TET1: variants seen among roughly 807,000 people sequenced by gnomAD.
The protein encoded by TET1 is methylcytosine dioxygenase TET1.
A neutral mutation model predicts 148.7 loss-of-function variants in TET1; 13 were observed. The ratio of observed to expected loss-of-function variants is 0.09; its 90% CI spans 0.06 to 0.14. TET1 has a LOEUF of 0.14. Among genes scored for constraint, TET1 ranks in the 10% least tolerant of loss-of-function variants. The pLI is 1.00. For missense variants in TET1, 2,182 were observed against 2,553.8 expected (o/e 0.85, Z 3.14); for synonymous variants, 907 against 937.2 (o/e 0.97, Z 0.59).
intron 2 of TET1, among the ~76,000 whole-genome samples, chr10:68,596,373 A>G (rs1015152150): frequency 6.6e-6 from 1 of 152,168 alleles, no homozygotes; most frequent in Non-Finnish European, 1.5e-5. Context: ...ATCTTATGGT[A>G]CATGCTCAAG....
intron 3 of TET1, among the ~76,000 whole-genome samples, chr10:68,603,962 G>T (rs2054090897): frequency 6.6e-6 from 1 of 152,154 alleles, no homozygotes; most frequent in South Asian, 2.1e-4. Context: ...GTGGTGGGTG[G>T]GGGTAGCTCA....
chr10:68,623,564 C>T (rs1232957004), intron 3 of TET1, among the ~76,000 whole-genome samples: 2 of 152,174 alleles, frequency 1.3e-5, no homozygotes, highest in Non-Finnish European at 2.9e-5. Context: ...CCTTTGAGAT[C>T]CTCTCAACGG....
chr10:68,589,703 A>C (rs1589056365), intron 2 of TET1, among the ~76,000 whole-genome samples: 1 of 132,280 alleles, frequency 7.6e-6, no homozygotes. Flanking sequence ...CAAGAGTCTC[A>C]CTCTGTCACC....
rs58151009 is a variant in TET1, at chr10:68,566,823, CT to C, written c.-122-5382del. Among the ~76,000 whole-genome samples, 1,098 of 131,076 alleles carry C rather than the reference CT, an allele frequency of 8.4e-3. 27 individuals carry two copies. The highest frequency in any genetic ancestry group is 0.058 in the Admixed American group (732 of 12,624). The allele number at this position is 131,076 out of a possible 152,430, so 86.0% of individuals were successfully genotyped here. On this transcript the variant is annotated intron_variant, in intron 1 of 11. Transcript: ENST00000373644. The stretch of plus-strand genomic sequence containing the variant: ...ACTACCACTTATTTTCTCTCTCTCT[CT>C]TTTTTTTTTTTGTATTTTAGAGTTG...
At chr10:68,617,512 T>C (rs778886144) in intron 3 of TET1, among the ~76,000 whole-genome samples, 21 of 152,110 alleles carry the variant, frequency 1.4e-4, no homozygotes, top group Non-Finnish European at 2.9e-4. Flanking sequence ...CTTTGGTTTT[T>C]AGCATCCATT....
At position 68,625,988 on chromosome 10, in the gene TET1, G is replaced by C. The variant is rs115133904; in HGVS notation, c.1969-18710G>C. ...AGTCCCATCTACTCAGAAGGCTGAGGGGGGAGAATCACTTCAGCCCACAAG... is the reference window on the plus strand; with the variant it reads ...AGTCCCATCTACTCAGAAGGCTGAGCGGGGAGAATCACTTCAGCCCACAAG... On this transcript the variant is annotated intron_variant, in intron 3 of 11. Transcript: ENST00000373644. Among the ~76,000 whole-genome samples the C allele has an allele frequency of 4.9e-3, 744 of 151,802 alleles. 3 individuals carry two copies. The highest frequency in any genetic ancestry group is 0.017 in the African/African-American group (713 of 41,384).
At chr10:68,620,169 CG>C (rs1479507975) in intron 3 of TET1, among the ~76,000 whole-genome samples, 1 of 152,078 alleles carries the variant, frequency 6.6e-6, no homozygotes, top group Non-Finnish European at 1.5e-5. Context: ...AGCGACAGAG[CG>C]AGACTTTGTC....
At chr10:68,674,412 G>A (rs948595191) in intron 8 of TET1, 13 of 305,848 alleles carry the variant, frequency 4.3e-5, no homozygotes, top group East Asian at 1.6e-4. Flanking sequence ...TTTGTATTAC[G>A]TGAAAGCATC....
rs767752800 is a variant in TET1 at position 68,686,677 on chromosome 10, A to G, written c.5374A>G (p.Asn1792Asp). The G allele has an allele frequency of 1.2e-6, 2 of 1,613,992 alleles. No homozygotes were observed. Among genetic ancestry groups the G allele is most frequent in the Non-Finnish European group, 8.5e-7 (1 of 1,179,956 alleles). Residue 1792 changes from asparagine to aspartate, a missense_variant, in exon 11 of 12, where the codon AAC becomes GAC. Physicochemically the swap from Asn to Asp is conservative, Grantham distance 23. Transcript: ENST00000373644. The stretch of plus-strand genomic sequence containing the variant: ...GAAGAATAACTCAACAACAACAAAC[A>G]ACAGTAAGCCTTCGTCACTGCCAAC... ...KRKNNSTTTN[N>D]SKPSSLPTLG...
chr10:68,659,057 A>G (rs2055066750), intron 6 of TET1, among the ~76,000 whole-genome samples: 1 of 152,116 alleles, frequency 6.6e-6, no homozygotes, highest in African/African-American at 2.4e-5. Context: ...GTGAAATCCC[A>G]TCTTTGCTAA....
At chr10:68,688,728 G>A (rs1036237600) in intron 11 of TET1, among the ~76,000 whole-genome samples, 5 of 152,116 alleles carry the variant, frequency 3.3e-5, no homozygotes, top group Non-Finnish European at 5.9e-5. Flanking sequence ...GTGAGCCACC[G>A]TGCCCGGCCT....
At chr10:68,578,102 A>G (rs2053753172) in intron 2 of TET1, among the ~76,000 whole-genome samples, 2 of 152,258 alleles carry the variant, frequency 1.3e-5, no homozygotes, top group Non-Finnish European at 2.9e-5. Context: ...TGTTGTAAAA[A>G]ATCTTACTGA....
At chr10:68,604,282 T>A (rs2054095072) in intron 3 of TET1, among the ~76,000 whole-genome samples, 1 of 152,208 alleles carries the variant, frequency 6.6e-6, no homozygotes, top group Non-Finnish European at 1.5e-5. Context: ...TTTGTTAGAT[T>A]GTTAGTCATT....
chr10:68,612,561 C>A (rs1221397526), intron 3 of TET1, among the ~76,000 whole-genome samples: 3 of 152,064 alleles, frequency 2.0e-5, no homozygotes, highest in African/African-American at 7.2e-5. Context: ...CCTTTATAGT[C>A]TATTAATTTG....
chr10:68,672,925 A>T lies in TET1; in HGVS notation c.4704A>T (p.Pro1568=), dbSNP rs958383530. The change falls in exon 8 of 12, where the codon CCA becomes CCT. Residue 1568 remains proline (P), a synonymous_variant. Coordinates refer to ENST00000373644, the MANE Select transcript of TET1 (RefSeq NM_030625.3). ...NRTCTCQGID[P]ETCGASFSFG... ...CCTGTACATGTCAAGGAATTGATCC[A>T]GAGACTTGTGGAGCTTCATTCTCTT... 6.2e-7 allele frequency: 1 copy of T among 1,610,578 alleles called. No individual in the cohort carries two copies. Among genetic ancestry groups the T allele is most frequent in the South Asian group, 1.1e-5 (1 of 90,660 alleles).
chr10:68,681,967 C>CA (rs71019060), intron 9 of TET1, among the ~76,000 whole-genome samples: 114,277 of 134,548 alleles, frequency 0.85, 48,159 homozygotes, highest in East Asian at 0.93. Context: ...GACTCTGTCT[C>CA]AAAAAAAAAA....
At chr10:68,663,111 T>C (rs2055146211) in intron 6 of TET1, among the ~76,000 whole-genome samples, 1 of 152,172 alleles carries the variant, frequency 6.6e-6, no homozygotes, top group South Asian at 2.1e-4. Flanking sequence ...GCCCAATATA[T>C]CCATGTAATA....
At chr10:68,628,548 CAGTA>C (rs201979380) in intron 3 of TET1, among the ~76,000 whole-genome samples, 1 of 152,168 alleles carries the variant, frequency 6.6e-6, no homozygotes, top group East Asian at 1.9e-4. Context: ...GCAATCAAAT[CAGTA>C]AGTACAATCA....
chr10:68,645,934 A>T lies in TET1; in HGVS notation c.3205A>T (p.Thr1069Ser), dbSNP rs768736308. Residue 1069 changes from threonine (T) to serine (S), a missense_variant, in exon 4 of 12, where the codon ACC becomes TCC. Around this residue, in one of 11 missense-constraint regions of TET1, gnomAD observed 582 missense variants for 599.5 expected, o/e 0.97. Coordinates refer to ENST00000373644, the MANE Select transcript of TET1 (RefSeq NM_030625.3). ...AGATGATCTATCATGTCAGGATGCA[A>T]CCCATACCCAAATTGAGGAAGATGT... ...DSDDLSCQDA[T>S]HTQIEEDVAT... The T allele has an allele frequency of 3.7e-6, 6 of 1,614,122 alleles. No individual in the cohort carries two copies. In the Admixed American group the frequency reaches 1.0e-4, roughly 27 times the overall value.
Sources: allele counts gnomAD v4.1 joint callset (sites outside exome capture counted in the v4.1 genomes callset), GRCh38; gene constraint gnomAD v4.1.1; regional missense constraint gnomAD v4.1.1; transcripts MANE v1.5; gene names NCBI Gene and HGNC (gene_info 2026-07-23, HGNC 2026-07-21).